Variants in FCRLB observed in about 807,000 individuals in gnomAD.
FCRLB encodes the protein Fc receptor like B.
Under a neutral mutation model 33.6 loss-of-function variants are expected in FCRLB, and 34 were observed. The ratio of observed to expected loss-of-function variants is 1.01; its 90% CI spans 0.77 to 1.35. The LOEUF is 1.35. FCRLB is among the 40% of genes most tolerant of loss of function. The pLI, the probability that FCRLB is intolerant of heterozygous loss-of-function variation, is 0.00. For synonymous variants in FCRLB, 280 were observed against 255.9 expected, an observed-to-expected ratio of 1.09 and a Z score of -0.90; for missense variants, 560 against 580.2, an observed-to-expected ratio of 0.97 and a Z score of 0.36.
At chr1:161,723,620 T>C (rs1683447710) in exon 5 of FCRLB, 3 of 1,613,486 alleles carry the variant, frequency 1.9e-6, no homozygotes, top group Non-Finnish European at 8.5e-7. Flanking sequence ...CTGTATCCAA[T>C]GGTGAGTGGA....
At chr1:161,727,487 C>T in exon 8 of FCRLB, 2 of 1,614,136 alleles carry the variant, frequency 1.2e-6, no homozygotes, top group Non-Finnish European at 1.7e-6. Context: ...GCCCTGAAAC[C>T]CGACGTGGAC....
Position 161,726,237 on chromosome 1 carries a change from G to T in FCRLB, c.574+150G>T. 1 of 1,343,808 alleles carries T rather than the reference G, an allele frequency of 7.4e-7. No homozygotes were observed. Among genetic ancestry groups the T allele is most frequent in the Non-Finnish European group, 1.0e-6 (1 of 965,172 alleles). 83.2% of individuals were successfully genotyped at this position (1,343,808 alleles called of 1,614,324 possible). On this transcript the variant is annotated intron_variant, in intron 6 of 7. Transcript: ENST00000367948. The surrounding 1 kb of genome is among the most constrained non-coding windows in gnomAD (Gnocchi z 5.2). ...CTATGGACGCTGTCTCCTCTCCTTT[G>T]CCGTGAAGCAGCGCTTGATCCGCCG...
chr1:161,723,673 A>G, intron 5 of FCRLB, 52 bp downstream of exon 5: 1 of 1,582,876 alleles, frequency 6.3e-7, no homozygotes. Context: ...CTCTGGCAAT[A>G]CTAGTCCTCT....
chr1:161,727,126 C>T, intron 7 of FCRLB, 121 bp from the exon 8 acceptor site: 9 of 1,346,972 alleles, frequency 6.7e-6, no homozygotes, highest in Non-Finnish European at 1.9e-6. Flanking sequence ...CCTTCGCCGC[C>T]CTCCTCCTCA....
Position 161,722,982 on chromosome 1 carries a change from T to A in FCRLB, c.32-7T>A. ...CTCCTTCCTCTTCCTTCTTTCCTGT[T>A]CTGCAGTTCCAAGCAGTGGGCAAGC... On this transcript the variant is annotated splice_polypyrimidine_tract_variant and splice_region_variant and intron_variant, in intron 3 of 7. Coordinates refer to ENST00000367948, the Ensembl canonical transcript of FCRLB. 1.2e-6 allele frequency: 2 copies of A among 1,613,804 alleles called. No individual in the cohort carries two copies. Among genetic ancestry groups the A allele is most frequent in the Non-Finnish European group, 1.7e-6 (2 of 1,180,006 alleles).
chr1:161,723,136 C>T (rs943180688), intron 4 of FCRLB, 127 bp downstream of exon 4: 2 of 1,286,624 alleles, frequency 1.6e-6, no homozygotes, highest in African/African-American at 1.5e-5. Flanking sequence ...CTCTCGTCAA[C>T]CCCTGGGACT....
At chr1:161,725,017 G>A (rs975196545) in intron 5 of FCRLB, among the ~76,000 whole-genome samples, 1 of 152,196 alleles carries the variant, frequency 6.6e-6, no homozygotes, top group African/African-American at 2.4e-5. Flanking sequence ...AGCAGGGCCA[G>A]TTCTCTCAAC....
chr1:161,726,215 T>C lies in FCRLB; in HGVS notation c.574+128T>C, dbSNP rs560704170. 2.8e-6 allele frequency: 4 copies of C among 1,442,240 alleles called. No homozygotes were observed. Among genetic ancestry groups the C allele is most frequent in the Non-Finnish European group, 3.8e-6 (4 of 1,046,212 alleles). The allele number at this position is 1,442,240 out of a possible 1,614,324, so 89.3% of individuals were successfully genotyped here. On this transcript the variant is annotated intron_variant, in intron 6 of 7. Coordinates refer to ENST00000367948, the Ensembl canonical transcript of FCRLB. This position sits in a 1 kb window ranked among gnomAD's most constrained non-coding sequence, Gnocchi z 5.2. ...CACTTGGAGGGTTTCTCTTAGACTATGGACGCTGTCTCCTCTCCTTTGCCG... is the reference window on the plus strand; with the variant it reads ...CACTTGGAGGGTTTCTCTTAGACTACGGACGCTGTCTCCTCTCCTTTGCCG...
In FCRLB at chr1:161,722,712, A is replaced by C. The variant is rs200018456; in HGVS notation, c.31+9A>C. ...AGCCCTTCTGCTCCTGGGTGAGTCC[A>C]CAGTGAGGCAGCAGAAGAGCTTTGG... On this transcript the variant is annotated intron_variant, in intron 3 of 7. Transcript: ENST00000367948. The C allele has an allele frequency of 8.4e-5, 135 of 1,613,972 alleles. No individual in the cohort carries two copies. The African/African-American group carries it at 1.6e-3, about 20-fold the overall frequency.
At position 161,726,528 on chromosome 1, in the gene FCRLB, G is replaced by C; in HGVS notation, c.575-175G>C. On this transcript the variant is annotated intron_variant, in intron 6 of 7. Transcript: ENST00000367948. The surrounding 1 kb of genome is among the most constrained non-coding windows in gnomAD (Gnocchi z 5.2). Reference sequence around the variant, plus strand: ...AGCTTTCCCCGTCCCTCGTGGACTCGGTCCCCCTGCCCCACATTTCAGAAG... The same window carrying C: ...AGCTTTCCCCGTCCCTCGTGGACTCCGTCCCCCTGCCCCACATTTCAGAAG... The C allele has an allele frequency of 1.1e-6, 1 of 926,490 alleles. No homozygotes were observed. Among genetic ancestry groups the C allele is most frequent in the South Asian group, 1.4e-5 (1 of 71,204 alleles). The allele number at this position is 926,490 out of a possible 1,614,324, so 57.4% of individuals were successfully genotyped here.
intron 3 of FCRLB, 63 bp downstream of exon 3, chr1:161,722,766 T>C: frequency 6.3e-7 from 1 of 1,593,852 alleles, no homozygotes; most frequent in South Asian, 1.1e-5. Context: ...GACCAAGGTA[T>C]GGGGAGAGGA....
rs1417582 is a variant in FCRLB at position 161,726,298 on chromosome 1, T to C, written c.574+211T>C. On this transcript the variant is annotated intron_variant, in intron 6 of 7. Coordinates refer to ENST00000367948, the Ensembl canonical transcript of FCRLB. This position sits in a 1 kb window ranked among gnomAD's most constrained non-coding sequence, Gnocchi z 5.2. ...GGCTGGTCCCTTTCCCCGACGCACA[T>C]CCTGGCTTCTCACTCTGGCTGGGGA... 554,511 of 862,640 alleles carry C rather than the reference T, an allele frequency of 0.64. 182,466 individuals carry two copies. Among genetic ancestry groups the C allele is most frequent in the East Asian group, 0.79 (29,576 of 37,606 alleles). 53.4% of individuals were successfully genotyped at this position (862,640 alleles called of 1,614,324 possible). A position where few individuals can be genotyped will look rare whatever the true frequency, so the allele number is the denominator to read the frequency against.
rs200542918 is a variant in FCRLB, at chr1:161,722,671, T to A, written c.-2T>A. 700 of 1,614,088 alleles carry A rather than the reference T, an allele frequency of 4.3e-4. 8 individuals are homozygous for A. In the South Asian group the frequency reaches 6.7e-3, roughly 15 times the overall value. ...TCTGCAGCTGCTGCAGTCAGATCCA[T>A]CATGTGGCCACTGACAGCCCTTCTG... is the stretch of plus-strand genomic sequence containing the variant. On this transcript the variant is annotated 5_prime_UTR_variant, in exon 3 of 8. Coordinates refer to ENST00000367948, the Ensembl canonical transcript of FCRLB.
At chr1:161,722,742 T>G (rs1246902393) in intron 3 of FCRLB, 39 bp downstream of exon 3, 1 of 1,612,198 alleles carries the variant, frequency 6.2e-7, no homozygotes, top group East Asian at 2.2e-5. Flanking sequence ...CTTTGGGTGG[T>G]GGAGAATAGG....
At chr1:161,727,341 G>A in exon 8 of FCRLB, 1 of 1,613,706 alleles carries the variant, frequency 6.2e-7, no homozygotes, top group East Asian at 2.2e-5. Context: ...GAAAGCCCCC[G>A]GTGTCCAGAT....
chr1:161,722,568 T>A (rs1182413482), intron 2 of FCRLB, 85 bp from the exon 3 acceptor site: 1 of 1,296,672 alleles, frequency 7.7e-7, no homozygotes, highest in South Asian at 1.3e-5. Flanking sequence ...AGCAGCAATG[T>A]CTCCTAGTAC....
At chr1:161,722,588 T>G in intron 2 of FCRLB, 65 bp from the exon 3 acceptor site, 1 of 1,487,998 alleles carries the variant, frequency 6.7e-7, no homozygotes, top group South Asian at 1.2e-5. Context: ...CTCAGTGGCA[T>G]CCACTGGCCA....
chr1:161,728,112 T>C (rs1484592596), exon 8 of FCRLB: 1 of 154,844 alleles, frequency 6.5e-6, no homozygotes. Flanking sequence ...CTGATGAGTT[T>C]ACATCTTCAA....
chr1:161,726,974 G>T lies in FCRLB; in HGVS notation c.846G>T (p.Trp282Cys). Residue 282 changes from tryptophan to cysteine, a missense_variant, in exon 7 of 8, where the codon TGG (tryptophan) becomes TGT (cysteine). Physicochemically the swap from Trp to Cys is radical, Grantham distance 215 (BLOSUM62 -2). Coordinates refer to ENST00000367948, the Ensembl canonical transcript of FCRLB. The surrounding 1 kb of genome is among the most constrained non-coding windows in gnomAD (Gnocchi z 5.2). ...GCAGTGTCCGGAAACGCAGTCCGTG[G>T]CTGCAGCTCCCGGGGCCGGGTGAGT... 1 of 1,529,694 alleles carries T rather than the reference G, an allele frequency of 6.5e-7. No homozygotes were observed. The highest frequency in any genetic ancestry group is 8.8e-7 in the Non-Finnish European group (1 of 1,138,180). 94.8% of individuals were successfully genotyped at this position (1,529,694 alleles called of 1,614,324 possible). A position where few individuals can be genotyped will look rare whatever the true frequency, so the allele number is the denominator to read the frequency against.
Sources: allele counts gnomAD v4.1 joint callset (sites outside exome capture counted in the v4.1 genomes callset), GRCh38; gene constraint gnomAD v4.1.1; non-coding constraint Gnocchi (gnomAD v3.1); transcripts MANE v1.5; gene names NCBI Gene and HGNC (gene_info 2026-07-23, HGNC 2026-07-21).